The following TMEM178A variants were observed in gnomAD, a reference collection of about 807,000 sequenced individuals.
The protein encoded by TMEM178A is transmembrane protein 178.
TMEM178A carries 12 observed loss-of-function variants against 29.1 expected under a neutral mutation model. That is an observed-to-expected ratio of 0.41 (90% CI 0.26 to 0.67). The LOEUF (loss-of-function observed/expected upper bound fraction) is 0.67, where lower values mean the gene tolerates loss of function less well. TMEM178A is among the 30% of genes least tolerant of loss of function. The pLI is 0.29. For missense variants in TMEM178A, 366 were observed against 419.1 expected (o/e 0.87, Z 1.11); for synonymous variants, 210 against 187.2 (o/e 1.12, Z -0.99).
downstream of TMEM178A, among the ~76,000 whole-genome samples, chr2:39,721,583 G>C (rs1006655717): frequency 6.6e-6 from 1 of 152,154 alleles, no homozygotes; most frequent in African/African-American, 2.4e-5. Flanking sequence ...TGGTGCAGGT[G>C]AGGTTGCCAA....
intron 1 of TMEM178A, chr2:39,698,031 A>G (rs754783685): frequency 2.8e-4 from 43 of 152,228 alleles, no homozygotes; most frequent in African/African-American, 9.2e-4. Flanking sequence ...CGCCAATCCA[A>G]TCTCCTTCAA....
chr2:39,666,229 C>T lies in TMEM178A; in HGVS notation c.255C>T (p.Ala85=). The change falls in exon 1 of 4, where the codon GCC becomes GCT. Residue 85 remains alanine (A), a synonymous_variant. Transcript: ENST00000281961. Reference sequence around the variant, plus strand: ...TGCTCCCGGGCGGCCCGGGGCGCGCCGACCCCGAGTCCTGGCGCTCGCTCC... The same window carrying T: ...TGCTCCCGGGCGGCCCGGGGCGCGCTGACCCCGAGTCCTGGCGCTCGCTCC... The part of the protein sequence containing the change: ...RRLLPGGPGR[A]DPESWRSLLG... The T allele has an allele frequency of 7.4e-7, 1 of 1,346,338 alleles. No individual in the cohort carries two copies. Among genetic ancestry groups the T allele is most frequent in the Non-Finnish European group, 9.5e-7 (1 of 1,057,410 alleles). 83.4% of individuals were successfully genotyped at this position (1,346,338 alleles called of 1,614,324 possible).
chr2:39,680,185 G>A (rs974339898), intron 1 of TMEM178A, among the ~76,000 whole-genome samples: 7 of 152,146 alleles, frequency 4.6e-5, no homozygotes, highest in Non-Finnish European at 8.8e-5. Flanking sequence ...TAAATATGGA[G>A]GTTGGATTCG....
rs1453000436 is a variant in TMEM178A, at chr2:39,717,887, GT to G, written c.*639del. On this transcript the variant is annotated 3_prime_UTR_variant, in exon 4 of 4. Coordinates refer to ENST00000281961, the MANE Select transcript of TMEM178A (RefSeq NM_152390.3). The stretch of plus-strand genomic sequence containing the variant: ...CTAACTCGTGACACTATGCAGTATT[GT>G]TTGAAGACCTGTTGTTCAACCTCTG... 6.6e-6 allele frequency: 1 copy of G among 152,198 alleles called. No individual in the cohort carries two copies. The highest frequency in any genetic ancestry group is 1.5e-5 in the Non-Finnish European group (1 of 68,012). The allele number at this position is 152,198 out of a possible 1,614,324, so 9.4% of individuals were successfully genotyped here.
chr2:39,726,991 T>C, the TMEM178A span, among the ~76,000 whole-genome samples: 1 of 152,260 alleles, frequency 6.6e-6, no homozygotes, highest in South Asian at 2.1e-4. Flanking sequence ...GATAAAAAGC[T>C]GAGCTCTTCA....
downstream of TMEM178A, among the ~76,000 whole-genome samples, chr2:39,721,226 C>T (rs966372048): frequency 6.6e-6 from 1 of 152,210 alleles, no homozygotes; most frequent in Non-Finnish European, 1.5e-5. Context: ...ATGCTCAGGG[C>T]ACCCAGTTGC....
chr2:39,693,811 C>G (rs1166790051), intron 1 of TMEM178A, among the ~76,000 whole-genome samples: 1 of 152,100 alleles, frequency 6.6e-6, no homozygotes, highest in Non-Finnish European at 1.5e-5. Context: ...TACGATATTA[C>G]TTTTTATTAT....
At chr2:39,720,815 G>A (rs553828916), downstream of TMEM178A, among the ~76,000 whole-genome samples, 33 of 152,230 alleles carry the variant, frequency 2.2e-4, no homozygotes, top group South Asian at 2.3e-3. Flanking sequence ...ATGTACAGTC[G>A]TGTGATGAGG....
At chr2:39,734,304 T>G in the TMEM178A span, among the ~76,000 whole-genome samples, 1 of 152,220 alleles carries the variant, frequency 6.6e-6, no homozygotes, top group African/African-American at 2.4e-5. Flanking sequence ...TAAATACTCC[T>G]CCTCTATACC....
chr2:39,696,576 C>T (rs1671551046), intron 1 of TMEM178A, among the ~76,000 whole-genome samples: 1 of 152,200 alleles, frequency 6.6e-6, no homozygotes, highest in Admixed American at 6.5e-5. Flanking sequence ...TAATTTGCCA[C>T]AAGTCACACA....
chr2:39,689,353 T>A (rs776402988), intron 1 of TMEM178A, among the ~76,000 whole-genome samples: 1 of 152,222 alleles, frequency 6.6e-6, no homozygotes, highest in Non-Finnish European at 1.5e-5. Flanking sequence ...TCCCTCCCCA[T>A]TTCAGAGATC....
At chr2:39,669,646 G>A (rs1214373386) in intron 1 of TMEM178A, among the ~76,000 whole-genome samples, 2 of 152,170 alleles carry the variant, frequency 1.3e-5, no homozygotes, top group African/African-American at 2.4e-5. Context: ...TTATTGATAC[G>A]CTCATTAAGA....
chr2:39,700,528 C>T (rs2148095213), intron 1 of TMEM178A, among the ~76,000 whole-genome samples: 1 of 152,046 alleles, frequency 6.6e-6, no homozygotes, highest in South Asian at 2.1e-4. Flanking sequence ...ATATCTTTTT[C>T]CATCCTTTAA....
At chr2:39,690,186 C>T (rs1056457886) in intron 1 of TMEM178A, among the ~76,000 whole-genome samples, 5 of 151,608 alleles carry the variant, frequency 3.3e-5, no homozygotes, top group Non-Finnish European at 5.9e-5. Flanking sequence ...GCCACAGATC[C>T]TGTTAACTGA....
At chr2:39,727,882 G>A in the TMEM178A span, among the ~76,000 whole-genome samples, 2 of 152,176 alleles carry the variant, frequency 1.3e-5, no homozygotes, top group African/African-American at 4.8e-5. Flanking sequence ...TCCCTGCAAA[G>A]GACATGAACT....
At chr2:39,677,286 A>G (rs771222974) in intron 1 of TMEM178A, among the ~76,000 whole-genome samples, 2 of 152,162 alleles carry the variant, frequency 1.3e-5, no homozygotes, top group Non-Finnish European at 2.9e-5. Flanking sequence ...AAGCCAGGCT[A>G]TGACTTTTTT....
the TMEM178A span, among the ~76,000 whole-genome samples, chr2:39,735,763 G>A: frequency 3.3e-5 from 5 of 152,228 alleles, no homozygotes; most frequent in African/African-American, 7.2e-5. Flanking sequence ...GAAGCTTAGC[G>A]GTGGCTACGT....
At chr2:39,693,262 A>G (rs973183492) in intron 1 of TMEM178A, among the ~76,000 whole-genome samples, 27 of 152,248 alleles carry the variant, frequency 1.8e-4, no homozygotes, top group Non-Finnish European at 3.7e-4. Flanking sequence ...TGTAAAAACA[A>G]TAGCATTAGA....
At position 39,717,444 on chromosome 2, in the gene TMEM178A, T is replaced by G; in HGVS notation, c.*193T>G. 1.4e-6 allele frequency: 1 copy of G among 699,138 alleles called. No homozygotes were observed. The highest frequency in any genetic ancestry group is 2.2e-6 in the Non-Finnish European group (1 of 450,674). The allele number at this position is 699,138 out of a possible 1,614,324, so 43.3% of individuals were successfully genotyped here. A position where few individuals can be genotyped will look rare whatever the true frequency, so the allele number is the denominator to read the frequency against. ...AAGACTACTGTGGATTCAAGTGCTT[T>G]AATGACTATTTATGCGTTGACTGTG... On this transcript the variant is annotated 3_prime_UTR_variant, in exon 4 of 4. Transcript: ENST00000281961.
Sources: allele counts gnomAD v4.1 joint callset (sites outside exome capture counted in the v4.1 genomes callset), GRCh38; gene constraint gnomAD v4.1.1; transcripts MANE v1.5; gene names NCBI Gene and HGNC (gene_info 2026-07-23, HGNC 2026-07-21).